The following RERE variants were observed in gnomAD, a reference collection of about 807,000 sequenced individuals.
RERE encodes arginine-glutamic acid dipeptide repeats, also known as arginine-glutamic acid dipeptide repeats protein.
A neutral mutation model predicts 146.1 loss-of-function variants in RERE; 40 were observed. The observed-to-expected ratio is 0.27, with a 90% confidence interval of 0.21 to 0.36. RERE has a LOEUF of 0.36. Ranked by LOEUF, RERE falls within the 10% of genes least tolerant of loss-of-function variation. The pLI is 1.00. For missense variants in RERE, 1,933 were observed against 2,138.7 expected (o/e 0.90, Z 1.90); for synonymous variants, 1,003 against 866.0 (o/e 1.16, Z -2.78).
Position 8,364,821 on chromosome 1 carries a change from T to C in RERE, c.1465A>G (p.Ser489Gly), listed in dbSNP as rs947367274. Reference protein sequence around the residue: ...SSEFLDLSSASEDDFDSEDSE... With the variant: ...SSEFLDLSSAGEDDFDSEDSE... Reference sequence around the variant, plus strand: ...TCCTCACTGTCGAAGTCATCTTCACTGGCTGAACTTAGGTCCACTGGGCGT... The same window carrying C: ...TCCTCACTGTCGAAGTCATCTTCACCGGCTGAACTTAGGTCCACTGGGCGT... The change falls in exon 14 of 23, where the codon AGT becomes GGT. Residue 489 changes from serine (S) to glycine (G), a missense_variant. Transcript: ENST00000400908. The surrounding 1 kb of genome is among the most constrained non-coding windows in gnomAD (Gnocchi z 5.1). The C allele has an allele frequency of 6.3e-7, 1 of 1,587,810 alleles. No homozygotes were observed. The highest frequency in any genetic ancestry group is 1.1e-5 in the South Asian group (1 of 90,718).
intron 1 of RERE, among the ~76,000 whole-genome samples, chr1:8,796,165 T>C (rs1641469969): frequency 6.6e-6 from 1 of 152,154 alleles, no homozygotes; most frequent in Non-Finnish European, 1.5e-5. Flanking sequence ...GATCTCATCT[T>C]GATTCAAATG....
chr1:8,717,370 A>AT (rs1639785140), intron 1 of RERE, among the ~76,000 whole-genome samples: 1 of 152,224 alleles, frequency 6.6e-6, no homozygotes, highest in South Asian at 2.1e-4. Context: ...AGAATACTGA[A>AT]TTTTAATGCC....
intron 12 of RERE, among the ~76,000 whole-genome samples, chr1:8,390,250 A>T (rs1642838728): frequency 6.6e-6 from 1 of 152,168 alleles, no homozygotes. Flanking sequence ...ACCCCACTCC[A>T]GACAGCTACA....
intron 1 of RERE, among the ~76,000 whole-genome samples, chr1:8,753,132 T>C (rs1308450687): frequency 6.6e-6 from 1 of 152,174 alleles, no homozygotes; most frequent in Non-Finnish European, 1.5e-5. Flanking sequence ...TCCAGTATAA[T>C]CTTCCTCTCC....
At chr1:8,592,482 G>A (rs1412243286) in intron 4 of RERE, among the ~76,000 whole-genome samples, 3 of 152,002 alleles carry the variant, frequency 2.0e-5, no homozygotes, top group Non-Finnish European at 4.4e-5. Context: ...ACGTTGCCCA[G>A]GCTTATCTTA....
chr1:8,398,631 T>G (rs1190860264), intron 12 of RERE, among the ~76,000 whole-genome samples: 1 of 152,238 alleles, frequency 6.6e-6, no homozygotes, highest in African/African-American at 2.4e-5. Context: ...CCCAGTGAAG[T>G]ATTCACTGAA....
At chr1:8,528,168 G>A (rs374755984) in intron 7 of RERE, among the ~76,000 whole-genome samples, 1 of 152,138 alleles carries the variant, frequency 6.6e-6, no homozygotes, top group East Asian at 1.9e-4. Context: ...GTGGGGAAAC[G>A]TCAGACAAAC....
At chr1:8,598,640 G>T (rs1187195450) in intron 4 of RERE, among the ~76,000 whole-genome samples, 3 of 152,134 alleles carry the variant, frequency 2.0e-5, no homozygotes, top group Non-Finnish European at 2.9e-5. Context: ...GGATTTCAAA[G>T]ACCTCTGTCT....
intron 1 of RERE, among the ~76,000 whole-genome samples, chr1:8,797,566 G>T (rs754654933): frequency 1.3e-5 from 2 of 152,116 alleles, no homozygotes; most frequent in African/African-American, 4.8e-5. Flanking sequence ...CTAAAAAACC[G>T]ACTTACTAAT....
intron 8 of RERE, among the ~76,000 whole-genome samples, chr1:8,504,486 T>C (rs1048100307): frequency 3.9e-5 from 6 of 152,204 alleles, no homozygotes; most frequent in Non-Finnish European, 8.8e-5. Flanking sequence ...CATTTATTTG[T>C]ACAAGGAATA....
rs533530265 is a variant in RERE, at chr1:8,463,652, G to C, written c.1203+2273C>G. ...GTCACAAGAGAAATGAAAGAAGGGAGAGAGGAGAGCCATGGCTAGCGAGGG... is the reference window on the plus strand; with the variant it reads ...GTCACAAGAGAAATGAAAGAAGGGACAGAGGAGAGCCATGGCTAGCGAGGG... On this transcript the variant is annotated intron_variant, in intron 11 of 22. Transcript: ENST00000400908. Among the ~76,000 whole-genome samples, 10 of 152,262 alleles carry C rather than the reference G, an allele frequency of 6.6e-5. No homozygotes were observed. The South Asian group carries it at 1.0e-3, about 16-fold the overall frequency.
intron 4 of RERE, among the ~76,000 whole-genome samples, chr1:8,579,334 C>T (rs1488014779): frequency 6.6e-6 from 1 of 152,126 alleles, no homozygotes; most frequent in Non-Finnish European, 1.5e-5. Flanking sequence ...CATAATAGAG[C>T]CACCACTAAC....
At position 8,612,236 on chromosome 1, in the gene RERE, T is replaced by C. The variant is rs186943350; in HGVS notation, c.522+2325A>G. 2.3e-3 allele frequency among the ~76,000 whole-genome samples: 352 copies of C among 152,320 alleles called. 2 individuals are homozygous for C. Among genetic ancestry groups the C allele is most frequent in the Non-Finnish European group, 4.4e-4 (30 of 68,018 alleles). On this transcript the variant is annotated intron_variant, in intron 4 of 22. Coordinates refer to ENST00000400908, the MANE Select transcript of RERE (RefSeq NM_001042681.2). The stretch of plus-strand genomic sequence containing the variant: ...ATGTTAATGATATTGTCTGCAACCC[T>C]GTAATCAATTTTTTCTCCCAGCAGC...
intron 2 of RERE, among the ~76,000 whole-genome samples, chr1:8,627,731 TCTTACTGTGAGATATAAAGCTAA>T (rs1315258393): frequency 2.6e-5 from 4 of 152,116 alleles, no homozygotes; most frequent in African/African-American, 9.7e-5. Context: ...CTACACACCA[TCTTACTGTGAGATATAAAGCTAA>T]CTTACATACA....
chr1:8,372,667 G>A (rs1453475157), intron 12 of RERE, among the ~76,000 whole-genome samples: 2 of 152,222 alleles, frequency 1.3e-5, no homozygotes, highest in African/African-American at 2.4e-5. Flanking sequence ...ACGACCAACA[G>A]CAAAGAATGA....
chr1:8,472,694 C>A (rs181371451), intron 10 of RERE, among the ~76,000 whole-genome samples: 20 of 152,198 alleles, frequency 1.3e-4, no homozygotes, highest in Admixed American at 5.9e-4. Flanking sequence ...AAAGCAGGGA[C>A]CAAGATAAAG....
chr1:8,680,850 A>G (rs1161614665), intron 1 of RERE, among the ~76,000 whole-genome samples: 1 of 152,178 alleles, frequency 6.6e-6, no homozygotes, highest in South Asian at 2.1e-4. Flanking sequence ...GAAAAACACT[A>G]TAGCCCGGGA....
chr1:8,404,127 CT>C (rs200010060), intron 12 of RERE, among the ~76,000 whole-genome samples: 1 of 151,774 alleles, frequency 6.6e-6, no homozygotes, highest in Admixed American at 6.6e-5. Flanking sequence ...CTGCACCCAG[CT>C]TTTTTTTAAA....
chr1:8,605,268 G>C (rs147503254), intron 4 of RERE, among the ~76,000 whole-genome samples: 1,694 of 152,282 alleles, frequency 0.011, 30 homozygotes, highest in African/African-American at 0.039. Context: ...AAGTAGCTGG[G>C]ACTACAGGCA....
Sources: gnomAD v4.1 joint callset for allele counts (sites outside exome capture counted in the v4.1 genomes callset) on GRCh38, gnomAD v4.1.1 for gene constraint, Gnocchi (gnomAD v3.1) non-coding constraint, MANE v1.5 for transcripts, NCBI Gene and HGNC (gene_info 2026-07-23, HGNC 2026-07-21) for gene names.